PLEKHG5: variants seen among roughly 807,000 people sequenced by gnomAD.
PLEKHG5 encodes pleckstrin homology and RhoGEF domain containing G5.
Under a neutral mutation model 103.8 loss-of-function variants are expected in PLEKHG5, and 52 were observed. The ratio of observed to expected loss-of-function variants is 0.50; its 90% CI spans 0.40 to 0.63. The LOEUF is 0.63. PLEKHG5 is among the 30% of genes least tolerant of loss of function. PLEKHG5 has a pLI of 0.00. For missense variants in PLEKHG5, 1,205 were observed against 1,347.6 expected (o/e 0.89, Z 1.66); for synonymous variants, 592 against 575.5 (o/e 1.03, Z -0.41).
chr1:6,518,209 G>A (rs1382224347), intron 1 of PLEKHG5, among the ~76,000 whole-genome samples: 1 of 151,782 alleles, frequency 6.6e-6, no homozygotes, highest in African/African-American at 2.4e-5. Context: ...TGGGATTACA[G>A]GTGTGAGCCA....
At chr1:6,497,126 C>G (rs1645238020), upstream of PLEKHG5, 5 of 1,208,948 alleles carry the variant, frequency 4.1e-6, no homozygotes, top group Non-Finnish European at 5.8e-6. This position sits in a 1 kb window ranked among gnomAD's most constrained non-coding sequence, Gnocchi z 6.1. Flanking sequence ...CAGCGAGAGG[C>G]GGGGGGAGGG....
intron 10 of PLEKHG5, 55 bp from the exon 11 acceptor site, chr1:6,471,863 G>A: frequency 6.6e-7 from 1 of 1,514,562 alleles, no homozygotes; most frequent in Non-Finnish European, 9.0e-7. Context: ...CAGCCCTAGG[G>A]CCCCACCCAG....
At chr1:6,506,654 C>A (rs912611936) in intron 1 of PLEKHG5, among the ~76,000 whole-genome samples, 1 of 152,224 alleles carries the variant, frequency 6.6e-6, no homozygotes, top group Non-Finnish European at 1.5e-5. Context: ...TGTGGGGACG[C>A]CGTGGGCTGC....
Position 6,473,163 on chromosome 1 carries a change from C to T in PLEKHG5, c.807G>A (p.Lys269=), listed in dbSNP as rs879194661. ...STSAFGREVD[K]MEQLEGKLHT... is the part of the protein sequence containing the mutation. ...GCAGCTTGCCCTCCAGCTGCTCCAT[C>T]TTGTCTACCTCCTGGAAAGATACCC... The change falls in exon 9 of 21, where the codon AAG becomes AAA. Residue 269 remains lysine, a synonymous_variant. Coordinates refer to ENST00000377728, the MANE Select transcript of PLEKHG5 (RefSeq NM_020631.6). 1 of 1,613,782 alleles carries T rather than the reference C, an allele frequency of 6.2e-7. No homozygotes were observed. Among genetic ancestry groups the T allele is most frequent in the African/African-American group, 1.3e-5 (1 of 74,940 alleles).
At position 6,468,005 on chromosome 1, in the gene PLEKHG5, C is replaced by G. The variant is rs756909775; in HGVS notation, c.2831G>C (p.Cys944Ser). 12 of 1,553,128 alleles carry G rather than the reference C, an allele frequency of 7.7e-6. No homozygotes were observed. The highest frequency in any genetic ancestry group is 1.9e-5 in the Admixed American group (1 of 51,734). Residue 944 changes from cysteine (C) to serine (S), a missense_variant, in exon 20 of 21, where the codon TGC becomes TCC. Transcript: ENST00000377728. Reference protein sequence around the residue: ...SPGSGPGLVGCLAGEPAGSHR... With the variant: ...SPGSGPGLVGSLAGEPAGSHR... Reference sequence around the variant, plus strand: ...GGAGCCTGCAGGTTCCCCGGCCAGGCAGCCGACTAGCCCAGGACCGCTGCC... The same window carrying G: ...GGAGCCTGCAGGTTCCCCGGCCAGGGAGCCGACTAGCCCAGGACCGCTGCC...
intron 1 of PLEKHG5, among the ~76,000 whole-genome samples, chr1:6,517,608 C>T (rs1638660116): frequency 6.6e-6 from 1 of 152,062 alleles, no homozygotes; most frequent in Non-Finnish European, 1.5e-5. Context: ...TGGGGGTGAG[C>T]AAAGGAAGAA....
At chr1:6,488,248 C>T (rs1000690015) in intron 1 of PLEKHG5, among the ~76,000 whole-genome samples, 1 of 152,340 alleles carries the variant, frequency 6.6e-6, no homozygotes. Context: ...GGAGGAGATA[C>T]TGTTACAATC....
intron 1 of PLEKHG5, among the ~76,000 whole-genome samples, chr1:6,510,256 G>A (rs1489271043): frequency 6.6e-6 from 1 of 152,088 alleles, no homozygotes; most frequent in African/African-American, 2.4e-5. Context: ...CTTCTGGCCA[G>A]GCCCTCCCCA....
chr1:6,471,311 G>A, intron 12 of PLEKHG5, 177 bp downstream of exon 12: 1 of 813,094 alleles, frequency 1.2e-6, no homozygotes, highest in Non-Finnish European at 1.9e-6. Flanking sequence ...TGGTCAGGTG[G>A]AGGCTCAAAC....
chr1:6,471,471 C>A lies in PLEKHG5; in HGVS notation c.1281+17G>T. On this transcript the variant is annotated intron_variant, in intron 12 of 20. Transcript: ENST00000377728. ...CCCTGCCTCAGTGCCCCCGCCTGCGCCCGGCCCCGCCCGTACCATCTTGAA... is the reference window on the plus strand; with the variant it reads ...CCCTGCCTCAGTGCCCCCGCCTGCGACCGGCCCCGCCCGTACCATCTTGAA... 6.2e-7 allele frequency: 1 copy of A among 1,607,298 alleles called. No homozygotes were observed. Among genetic ancestry groups the A allele is most frequent in the Non-Finnish European group, 8.5e-7 (1 of 1,177,658 alleles).
In PLEKHG5 at chr1:6,474,634, C is replaced by T. The variant is rs537563793; in HGVS notation, c.303-47G>A. On this transcript the variant is annotated intron_variant, in intron 5 of 20. Transcript: ENST00000377728. Reference sequence around the variant, plus strand: ...TGTGTGTTAGAACCAGGCGGCCAGTCGCTTCAGCTTGGGCCCCGCCCCCAC... The same window carrying T: ...TGTGTGTTAGAACCAGGCGGCCAGTTGCTTCAGCTTGGGCCCCGCCCCCAC... 7.5e-5 allele frequency: 120 copies of T among 1,606,274 alleles called. No homozygotes were observed. In the East Asian group the frequency reaches 8.9e-4, roughly 12 times the overall value.
Position 6,475,996 on chromosome 1 carries a change from C to G in PLEKHG5, c.84G>C (p.Pro28=), listed in dbSNP as rs140428005. The stretch of plus-strand genomic sequence containing the variant: ...AGTCCACTGCGGGGCTGGTGCGCGG[C>G]GGGCATGACCGGGTGGACACGTTCC... ...LARNVSTRSC[P]PRTSPAVDLE... The change falls in exon 3 of 21, where the codon CCG becomes CCC. Residue 28 remains proline, a synonymous_variant. Transcript: ENST00000377728. The G allele has an allele frequency of 6.2e-7, 1 of 1,613,714 alleles. No homozygotes were observed. The highest frequency in any genetic ancestry group is 8.5e-7 in the Non-Finnish European group (1 of 1,180,026).
At position 6,471,655 on chromosome 1, in the gene PLEKHG5, T is replaced by A. The variant is rs1014574858; in HGVS notation, c.1132-18A>T. 6.4e-7 allele frequency: 1 copy of A among 1,563,522 alleles called. No homozygotes were observed. The highest frequency in any genetic ancestry group is 8.6e-7 in the Non-Finnish European group (1 of 1,157,564). ...GCCTCCACCTGGGCGCGGCGGGAGG[T>A]GCGGTTGGCCACGCCCCTCCGCCAG... On this transcript the variant is annotated intron_variant, in intron 11 of 20. Transcript: ENST00000377728.
chr1:6,514,447 CTGCCT>C (rs1638559825), intron 1 of PLEKHG5, among the ~76,000 whole-genome samples: 1 of 148,874 alleles, frequency 6.7e-6, no homozygotes. Context: ...GAGCAAGACC[CTGCCT>C]CAAAAAAAAA....
chr1:6,486,609 A>G lies in PLEKHG5; in HGVS notation c.-88+5028T>C, dbSNP rs1645043503. On this transcript the variant is annotated intron_variant, in intron 1 of 20. Coordinates refer to ENST00000377728, the MANE Select transcript of PLEKHG5 (RefSeq NM_020631.6). This position sits in a 1 kb window ranked among gnomAD's most constrained non-coding sequence, Gnocchi z 5.3. The stretch of plus-strand genomic sequence containing the variant: ...GGCGACCCACATGGCACAGCAGCCC[A>G]GGTCCCTGCAGTTCTAGGCCAGGTC... Among the ~76,000 whole-genome samples the G allele has an allele frequency of 6.6e-6, 1 of 152,198 alleles. No homozygotes were observed. Among genetic ancestry groups the G allele is most frequent in the African/African-American group, 2.4e-5 (1 of 41,460 alleles).
intron 4 of PLEKHG5, 60 bp downstream of exon 4, chr1:6,475,402 C>G: frequency 6.8e-6 from 10 of 1,468,788 alleles, no homozygotes; most frequent in Non-Finnish European, 9.5e-6. Context: ...AAGGCCCAGG[C>G]TCGGGGAAGG....
chr1:6,478,629 A>G (rs565479253), intron 1 of PLEKHG5, among the ~76,000 whole-genome samples: 59 of 151,958 alleles, frequency 3.9e-4, no homozygotes, highest in Admixed American at 1.1e-3. Flanking sequence ...GTTTTAAAAT[A>G]TTTCTTTTCT....
At chr1:6,506,941 C>T (rs114807979) in intron 1 of PLEKHG5, among the ~76,000 whole-genome samples, 2,860 of 152,338 alleles carry the variant, frequency 0.019, 109 homozygotes, top group African/African-American at 0.065. Flanking sequence ...CCTCTGGCAT[C>T]CTCAGGGGAG....
intron 1 of PLEKHG5, among the ~76,000 whole-genome samples, chr1:6,511,199 C>T (rs964357780): frequency 1.3e-5 from 2 of 152,216 alleles, no homozygotes; most frequent in Non-Finnish European, 2.9e-5. Context: ...GGGCCACAAC[C>T]ACCTGGCCCC....
Sources: allele counts gnomAD v4.1 joint callset (sites outside exome capture counted in the v4.1 genomes callset), GRCh38; gene constraint gnomAD v4.1.1; non-coding constraint Gnocchi (gnomAD v3.1); transcripts MANE v1.5; gene names NCBI Gene and HGNC (gene_info 2026-07-23, HGNC 2026-07-21).